PNPLA6: variants seen among roughly 807,000 people sequenced by gnomAD.
PNPLA6 encodes patatin-like phospholipase domain-containing protein 6.
Under a neutral mutation model 153.7 loss-of-function variants are expected in PNPLA6, and 105 were observed. The ratio of observed to expected loss-of-function variants is 0.68; its 90% confidence interval spans 0.58 to 0.80. PNPLA6 has a LOEUF of 0.80. Ranked by LOEUF, PNPLA6 falls within the 30% of genes least tolerant of loss-of-function variation. PNPLA6 has a pLI of 0.00. For missense variants in PNPLA6, 1,423 were observed against 1,919.3 expected (o/e 0.74, Z 4.83); for synonymous variants, 825 against 822.2 (o/e 1.00, Z -0.06).
chr19:7,554,307 G>A (rs904178063), intron 20 of PNPLA6, 35 bp downstream of exon 20: 6 of 1,583,752 alleles, frequency 3.8e-6, no homozygotes, highest in Non-Finnish European at 5.2e-6. Context: ...GAGGGTGGTG[G>A]GTGGGCCTGG....
intron 27 of PNPLA6, 91 bp downstream of exon 27, chr19:7,557,375 C>A (rs548904632): frequency 3.6e-6 from 3 of 838,626 alleles, no homozygotes; most frequent in Admixed American, 1.9e-5. Flanking sequence ...GGCTCGATGA[C>A]GGGACACATG....
In PNPLA6 at chr19:7,556,638, G is replaced by T; in HGVS notation, c.3211-17G>T. On this transcript the variant is annotated splice_polypyrimidine_tract_variant and intron_variant, in intron 25 of 31. Coordinates refer to ENST00000600737, the MANE Select transcript of PNPLA6 (RefSeq NM_001166114.2). ...GAGCCCCCTGCTCCTCCCCCACCTC[G>T]ATCCCTGTCCCCGCAGGACCTGTGG... 2 of 1,609,918 alleles carry T rather than the reference G, an allele frequency of 1.2e-6. No individual in the cohort carries two copies. The highest frequency in any genetic ancestry group is 1.7e-6 in the Non-Finnish European group (2 of 1,176,574).
chr19:7,542,678 T>C lies in PNPLA6; in HGVS notation c.1362+8T>C, dbSNP rs620744. The C allele has an allele frequency of 0.63, 1,012,488 of 1,612,236 alleles. 321,142 individuals are homozygous for C. Among genetic ancestry groups the C allele is most frequent in the African/African-American group, 0.83 (62,538 of 74,980 alleles). On this transcript the variant is annotated splice_region_variant and intron_variant, in intron 11 of 31. Transcript: ENST00000600737. ...CTGGCAGCCCCCGCTCGGGTAAGGC[T>C]TGGGACCCTGCCCGGTGGTGGAGCC...
In PNPLA6 at chr19:7,541,823, C is replaced by A; in HGVS notation, c.1168+139C>A. 1 of 1,136,180 alleles carries A rather than the reference C, an allele frequency of 8.8e-7. No homozygotes were observed. Among genetic ancestry groups the A allele is most frequent in the Non-Finnish European group, 1.3e-6 (1 of 782,506 alleles). 70.4% of individuals were successfully genotyped at this position (1,136,180 alleles called of 1,614,324 possible). A position where few individuals can be genotyped will look rare whatever the true frequency, so the allele number is the denominator to read the frequency against. ...GGACTCCATAGCGGGGTACCCAGGTCTGACTCCTATCTGGTACCGAGGAAG... is the reference window on the plus strand; with the variant it reads ...GGACTCCATAGCGGGGTACCCAGGTATGACTCCTATCTGGTACCGAGGAAG... On this transcript the variant is annotated intron_variant, in intron 9 of 31. Coordinates refer to ENST00000600737, the MANE Select transcript of PNPLA6 (RefSeq NM_001166114.2). This position sits in a 1 kb window ranked among gnomAD's most constrained non-coding sequence, Gnocchi z 5.2.
chr19:7,549,817 T>C lies in PNPLA6; in HGVS notation c.1609-90T>C, dbSNP rs2023564986. The C allele has an allele frequency of 1.1e-5, 14 of 1,290,970 alleles. No homozygotes were observed. The East Asian group carries it at 3.3e-4, about 30-fold the overall frequency. The allele number at this position is 1,290,970 out of a possible 1,614,324, so 80.0% of individuals were successfully genotyped here. ...ATATTTTTCTTAACCCTTCCTTTCT[T>C]CTTTAATTTTTTCCTGTGGGGGCAT... On this transcript the variant is annotated intron_variant, in intron 13 of 31. Transcript: ENST00000600737.
Position 7,541,702 on chromosome 19 carries a change from G to T in PNPLA6, c.1168+18G>T. 6.4e-7 allele frequency: 1 copy of T among 1,555,968 alleles called. No homozygotes were observed. ...ACCTACAGGTACCCAGGGACCCGAG[G>T]CCAGCCGAGCCCAATCTCCCAGGAA... On this transcript the variant is annotated intron_variant, in intron 9 of 31. Coordinates refer to ENST00000600737, the MANE Select transcript of PNPLA6 (RefSeq NM_001166114.2). This position sits in a 1 kb window ranked among gnomAD's most constrained non-coding sequence, Gnocchi z 5.2.
At chr19:7,560,409 C>A (rs1339285541) in intron 28 of PNPLA6, among the ~76,000 whole-genome samples, 1 of 152,148 alleles carries the variant, frequency 6.6e-6, no homozygotes, top group Non-Finnish European at 1.5e-5. Context: ...TGCTACCCAG[C>A]ACCCTGCATG....
chr19:7,550,164 G>C (rs2023580938), intron 14 of PNPLA6, 52 bp downstream of exon 14: 5 of 1,609,368 alleles, frequency 3.1e-6, no homozygotes, highest in Non-Finnish European at 4.3e-6. Flanking sequence ...ACCCCAACCC[G>C]TGGGAGTGGC....
chr19:7,539,822 A>T, intron 3 of PNPLA6, 96 bp from the exon 4 acceptor site: 1 of 801,672 alleles, frequency 1.2e-6, no homozygotes, highest in Non-Finnish European at 2.0e-6. Flanking sequence ...AGTTTGCTGT[A>T]CATGAGCCCT....
chr19:7,554,917 G>A lies in PNPLA6; in HGVS notation c.2659G>A (p.Ala887Thr). 1 of 1,587,756 alleles carries A rather than the reference G, an allele frequency of 6.3e-7. No homozygotes were observed. The highest frequency in any genetic ancestry group is 8.5e-7 in the Non-Finnish European group (1 of 1,172,598). ...GQLEQMLENT[A>T]VRALKQLVLL... ...GCTGGAGCAGATGCTGGAGAACACG[G>A]CTGTGCGCGCCCTTAAGCAGCTAGT... Residue 887 changes from alanine (A) to threonine (T), a missense_variant, in exon 22 of 32, where the codon GCT (alanine) becomes ACT (threonine). Coordinates refer to ENST00000600737, the MANE Select transcript of PNPLA6 (RefSeq NM_001166114.2).
chr19:7,561,695 CT>C lies in PNPLA6; in HGVS notation c.*134del. ...GGCCCACACACTGGACTGACCTGCC[CT>C]GAGCGGGGATGCAGTGTTGCACTGA... On this transcript the variant is annotated 3_prime_UTR_variant, in exon 32 of 32. Coordinates refer to ENST00000600737, the MANE Select transcript of PNPLA6 (RefSeq NM_001166114.2). The C allele has an allele frequency of 1.4e-6, 1 of 718,180 alleles. No homozygotes were observed. Among genetic ancestry groups the C allele is most frequent in the Non-Finnish European group, 2.5e-6 (1 of 399,450 alleles). The allele number at this position is 718,180 out of a possible 1,614,324, so 44.5% of individuals were successfully genotyped here.
chr19:7,555,643 G>A lies in PNPLA6; in HGVS notation c.2973G>A (p.Glu991=). The A allele has an allele frequency of 6.2e-7, 1 of 1,612,938 alleles. No homozygotes were observed. ...ACATCGGAGTACTAAAGGCATTAGAGGAGGCGGGGGTCCCCGTGGACCTGG... is the reference window on the plus strand; with the variant it reads ...ACATCGGAGTACTAAAGGCATTAGAAGAGGCGGGGGTCCCCGTGGACCTGG... ...CSHIGVLKAL[E]EAGVPVDLVG... The change falls in exon 24 of 32, where the codon GAG becomes GAA. Residue 991 remains glutamate, a synonymous_variant. Coordinates refer to ENST00000600737, the MANE Select transcript of PNPLA6 (RefSeq NM_001166114.2). This position sits in a 1 kb window ranked among gnomAD's most constrained non-coding sequence, Gnocchi z 6.3.
intron 29 of PNPLA6, 22 bp downstream of exon 29, chr19:7,560,786 G>A (rs199605100): frequency 3.5e-6 from 5 of 1,447,976 alleles, no homozygotes; most frequent in African/African-American, 2.8e-5. Context: ...ATGCCCCCAG[G>A]GCCACTCTGA....
intron 13 of PNPLA6, among the ~76,000 whole-genome samples, chr19:7,544,112 C>CTT (rs1410407962): frequency 1.4e-5 from 2 of 141,836 alleles, no homozygotes; most frequent in East Asian, 2.1e-4. Flanking sequence ...TGCGCCCGGC[C>CTT]TTTTTTTTTT....
rs753221489 is a variant in PNPLA6 at position 7,561,272 on chromosome 19, A to AG, written c.3984dup (p.Ser1329ValfsTer94). On this transcript the variant is annotated frameshift_variant, in exon 31 of 32. Coordinates refer to ENST00000600737, the MANE Select transcript of PNPLA6 (RefSeq NM_001166114.2). LOFTEE classifies it high-confidence loss of function. ...CCGGACCCGACTGCTCGAGGGATGA[A>AG]GGGGGGTCCCCCGAGGGCGCAAGCC... 19 of 1,610,342 alleles carry AG rather than the reference A, an allele frequency of 1.2e-5. No homozygotes were observed. Among genetic ancestry groups the AG allele is most frequent in the East Asian group, 2.2e-5 (1 of 44,706 alleles).
rs1304547726 is a variant in PNPLA6, at chr19:7,540,844, G to A, written c.796-79G>A. The A allele has an allele frequency of 2.5e-6, 4 of 1,598,234 alleles. No individual in the cohort carries two copies. Among genetic ancestry groups the A allele is most frequent in the East Asian group, 2.2e-5 (1 of 44,796 alleles). On this transcript the variant is annotated intron_variant, in intron 6 of 31. Coordinates refer to ENST00000600737, the MANE Select transcript of PNPLA6 (RefSeq NM_001166114.2). The surrounding 1 kb of genome is among the most constrained non-coding windows in gnomAD (Gnocchi z 6.8). Reference sequence around the variant, plus strand: ...GCCGATGGCCCCTCACGGGACTGGCGCCAGGAAGGATTAGGGGAGTAGCGA... The same window carrying A: ...GCCGATGGCCCCTCACGGGACTGGCACCAGGAAGGATTAGGGGAGTAGCGA...
chr19:7,535,293 C>T (rs1599261428), upstream of PNPLA6: 20 of 599,396 alleles, frequency 3.3e-5, no homozygotes, highest in East Asian at 5.5e-4. This position sits in a 1 kb window ranked among gnomAD's most constrained non-coding sequence, Gnocchi z 5.0. Flanking sequence ...AGCAGGAAGC[C>T]GGGGACCCGC....
intron 13 of PNPLA6, among the ~76,000 whole-genome samples, chr19:7,549,167 C>T (rs933201498): frequency 1.4e-5 from 2 of 144,842 alleles, no homozygotes; most frequent in East Asian, 2.0e-4. Context: ...AGTCTTTATT[C>T]TCTCCTTCAT....
At chr19:7,551,341 G>A (rs1211598557) in intron 17 of PNPLA6, 21 bp from the exon 18 acceptor site, 1 of 1,612,474 alleles carries the variant, frequency 6.2e-7, no homozygotes. Context: ...TCACTGAAAT[G>A]CCGGCCTCCA....
Sources: allele counts gnomAD v4.1 joint callset (sites outside exome capture counted in the v4.1 genomes callset), GRCh38; gene constraint gnomAD v4.1.1; non-coding constraint Gnocchi (gnomAD v3.1); transcripts MANE v1.5; gene names NCBI Gene and HGNC (gene_info 2026-07-23, HGNC 2026-07-21).